The following NIPBL variants were observed in gnomAD, a reference collection of about 807,000 sequenced individuals.
NIPBL encodes the protein nipped-B-like protein.
Under a neutral mutation model 321.8 loss-of-function variants are expected in NIPBL, and 19 were observed. The ratio of observed to expected loss-of-function variants is 0.06; its 90% CI spans 0.04 to 0.09. The LOEUF is 0.09. Among genes scored for constraint, NIPBL ranks in the 10% least tolerant of loss-of-function variants. NIPBL has a pLI of 1.00. For synonymous variants in NIPBL, 1,106 were observed against 1,114.1 expected, an observed-to-expected ratio of 0.99 and a Z score of 0.14; for missense variants, 2,210 against 3,327.0, an observed-to-expected ratio of 0.66 and a Z score of 8.26.
At position 37,022,146 on chromosome 5, in the gene NIPBL, A is replaced by G. The variant is rs752026879; in HGVS notation, c.5424A>G (p.Ala1808=). The G allele has an allele frequency of 6.2e-7, 1 of 1,613,902 alleles. No individual in the cohort carries two copies. Among genetic ancestry groups the G allele is most frequent in the Admixed American group, 1.7e-5 (1 of 60,020 alleles). The change falls in exon 28 of 47, where the codon GCA becomes GCG. Residue 1808 remains alanine (A), a synonymous_variant. Coordinates refer to ENST00000282516, the MANE Select transcript of NIPBL (RefSeq NM_133433.4). ...EVVAVDPSIL[A]RLDMQRGVHG... The stretch of plus-strand genomic sequence containing the variant: ...TTGCTGTAGACCCCAGTATTCTAGC[A>G]AGGGTAAAGAGCAAAAATGATTCTT...
intron 1 of NIPBL, among the ~76,000 whole-genome samples, chr5:36,884,273 T>G (rs1580138643): frequency 1.3e-5 from 2 of 152,298 alleles, no homozygotes; most frequent in South Asian, 2.1e-4. Flanking sequence ...TGTAATGTGT[T>G]ACTTTCCCTG....
chr5:36,956,322 C>A (rs1022800980), intron 3 of NIPBL, among the ~76,000 whole-genome samples: 1 of 152,066 alleles, frequency 6.6e-6, no homozygotes, highest in African/African-American at 2.4e-5. Flanking sequence ...TCATTCTTAT[C>A]CCTTCATATT....
intron 6 of NIPBL, among the ~76,000 whole-genome samples, chr5:36,963,999 T>G (rs1382504702): frequency 6.6e-6 from 1 of 152,116 alleles, no homozygotes; most frequent in African/African-American, 2.4e-5. Flanking sequence ...GAATGTAAAT[T>G]TTATCTCTAA....
At chr5:36,956,836 G>T (rs1352161364) in intron 3 of NIPBL, among the ~76,000 whole-genome samples, 1 of 151,720 alleles carries the variant, frequency 6.6e-6, no homozygotes, top group Non-Finnish European at 1.5e-5. Context: ...TATTGGCCAG[G>T]CTGGTCTCAA....
At chr5:37,030,919 C>CTTTTT (rs11291612) in intron 32 of NIPBL, among the ~76,000 whole-genome samples, 3 of 82,384 alleles carry the variant, frequency 3.6e-5, no homozygotes, top group African/African-American at 5.0e-5. Flanking sequence ...CATGTTTAGC[C>CTTTTT]TTTTTTTTTT....
intron 1 of NIPBL, among the ~76,000 whole-genome samples, chr5:36,937,187 C>G (rs564876283): frequency 7.4e-4 from 113 of 152,218 alleles, no homozygotes; most frequent in African/African-American, 2.6e-3. Context: ...ATTTTAAAAA[C>G]AATTCTAACC....
At chr5:36,953,544 G>T in intron 1 of NIPBL, 74 bp from the exon 2 acceptor site, 3 of 684,788 alleles carry the variant, frequency 4.4e-6, no homozygotes, top group Admixed American at 2.5e-5. Flanking sequence ...TTTTTTTATA[G>T]TGATTAAGCA....
rs755479647 is a variant in NIPBL, at chr5:37,001,098, C to T, written c.3664+20C>T. On this transcript the variant is annotated intron_variant, in intron 14 of 46. Transcript: ENST00000282516. ...CGTTTGGTAAAATCAACTTAAAATA[C>T]ATTTACACATACTCTAAGTGTCTTA... 4.1e-6 allele frequency: 6 copies of T among 1,446,498 alleles called. No homozygotes were observed. Among genetic ancestry groups the T allele is most frequent in the African/African-American group, 1.4e-5 (1 of 71,486 alleles). The allele number at this position is 1,446,498 out of a possible 1,614,324, so 89.6% of individuals were successfully genotyped here. A position where few individuals can be genotyped will look rare whatever the true frequency, so the allele number is the denominator to read the frequency against.
chr5:36,915,503 C>G (rs1748391060), intron 1 of NIPBL, among the ~76,000 whole-genome samples: 1 of 152,042 alleles, frequency 6.6e-6, no homozygotes, highest in Admixed American at 6.6e-5. Context: ...AGTACAGATT[C>G]AACAGTCTGT....
At chr5:36,951,960 A>T (rs2149594613) in intron 1 of NIPBL, among the ~76,000 whole-genome samples, 1 of 151,474 alleles carries the variant, frequency 6.6e-6, no homozygotes, top group East Asian at 2.0e-4. Flanking sequence ...AGAAGGAACC[A>T]GAATGCTAGC....
chr5:37,052,461 G>A lies in NIPBL; in HGVS notation c.7158G>A (p.Glu2386=). Residue 2386 remains glutamate, a synonymous_variant, in exon 42 of 47, where the codon GAG becomes GAA. Coordinates refer to ENST00000282516, the MANE Select transcript of NIPBL (RefSeq NM_133433.4). Reference sequence around the variant, plus strand: ...CTGTAAGGGGTTTCAGACAAGACGAGTCCTCTAGCGCTTTGTGTTCACACC... The same window carrying A: ...CTGTAAGGGGTTTCAGACAAGACGAATCCTCTAGCGCTTTGTGTTCACACC... ...KDPVRGFRQD[E]SSSALCSHLY... is the part of the protein sequence containing the mutation. 6.2e-7 allele frequency: 1 copy of A among 1,614,102 alleles called. No homozygotes were observed. The highest frequency in any genetic ancestry group is 8.5e-7 in the Non-Finnish European group (1 of 1,180,006).
At chr5:36,995,301 A>G (rs990728782) in intron 10 of NIPBL, 1 of 217,082 alleles carries the variant, frequency 4.6e-6, no homozygotes, top group African/African-American at 2.4e-5. Context: ...TGCTAATGTC[A>G]GTGAATCTCT....
chr5:36,998,419 C>A (rs1746397561), intron 11 of NIPBL, among the ~76,000 whole-genome samples: 1 of 152,094 alleles, frequency 6.6e-6, no homozygotes, highest in Non-Finnish European at 1.5e-5. Flanking sequence ...CTATAAGATT[C>A]TTCAAGCATT....
intron 1 of NIPBL, among the ~76,000 whole-genome samples, chr5:36,925,979 A>C (rs190750860): frequency 6.6e-6 from 1 of 152,134 alleles, no homozygotes; most frequent in East Asian, 1.9e-4. Flanking sequence ...TTTTCTTCTC[A>C]TTTTCGTACC....
chr5:37,055,973 A>G (rs191244910), intron 42 of NIPBL, among the ~76,000 whole-genome samples: 1 of 152,280 alleles, frequency 6.6e-6, no homozygotes, highest in East Asian at 1.9e-4. Context: ...GAGTGGTATC[A>G]TGTCTCCTTT....
chr5:36,907,161 G>T (rs1051283207), intron 1 of NIPBL, among the ~76,000 whole-genome samples: 2 of 152,176 alleles, frequency 1.3e-5, no homozygotes, highest in Non-Finnish European at 2.9e-5. Context: ...AGTAGGGTTT[G>T]AGAGTCTGCA....
chr5:36,976,284 A>G lies in NIPBL; in HGVS notation c.1377A>G (p.Ile459Met). Residue 459 changes from isoleucine (I) to methionine (M), a missense_variant, in exon 9 of 47, where the codon ATA (isoleucine) becomes ATG (methionine). By Grantham distance (10) the Ile-to-Met change is conservative. Coordinates refer to ENST00000282516, the MANE Select transcript of NIPBL (RefSeq NM_133433.4). ...CTGTGGTACAGAATCAACAACAGAT[A>G]TCACAACAGGGACCTATATATGATG... ...QTSVVQNQQQ[I>M]SQQGPIYDEV... 1 of 1,613,824 alleles carries G rather than the reference A, an allele frequency of 6.2e-7. No homozygotes were observed. Among genetic ancestry groups the G allele is most frequent in the Admixed American group, 1.7e-5 (1 of 59,998 alleles).
chr5:36,884,911 G>T (rs1029317748), intron 1 of NIPBL, among the ~76,000 whole-genome samples: 3 of 152,030 alleles, frequency 2.0e-5, no homozygotes, highest in African/African-American at 7.3e-5. Context: ...AAAATTTAAA[G>T]TTCCTTTTTA....
chr5:37,040,481 GATATTTGTTAGGC>G (rs1389010645), intron 34 of NIPBL, among the ~76,000 whole-genome samples: 1 of 152,002 alleles, frequency 6.6e-6, no homozygotes, highest in African/African-American at 2.4e-5. Context: ...ATATTATATA[GATATTTGTTAGGC>G]ATATTTGGTA....
Sources: allele counts gnomAD v4.1 joint callset (sites outside exome capture counted in the v4.1 genomes callset), GRCh38; gene constraint gnomAD v4.1.1; transcripts MANE v1.5; gene names NCBI Gene and HGNC (gene_info 2026-07-23, HGNC 2026-07-21).